SNX14: variants seen among roughly 807,000 people sequenced by gnomAD.
The protein encoded by SNX14 is sorting nexin 14.
A neutral mutation model predicts 133.8 loss-of-function variants in SNX14; 93 were observed. The observed-to-expected ratio is 0.70, with a 90% confidence interval of 0.59 to 0.83. SNX14 has a LOEUF of 0.83. SNX14 is among the 40% of genes least tolerant of loss of function. The pLI is 0.00. For synonymous variants in SNX14, 368 were observed against 365.6 expected, an observed-to-expected ratio of 1.01 and a Z score of -0.07; for missense variants, 945 against 1,094.9, an observed-to-expected ratio of 0.86 and a Z score of 1.93.
intron 4 of SNX14, chr6:85,568,077 T>G (rs1794468945): frequency 6.6e-6 from 1 of 152,116 alleles, no homozygotes; most frequent in South Asian, 2.1e-4. Context: ...AAAGAAAACA[T>G]ATGAGAAAAC....
chr6:85,517,738 T>C lies in SNX14; in HGVS notation c.2268+18A>G. The C allele has an allele frequency of 6.4e-7, 1 of 1,568,094 alleles. No individual in the cohort carries two copies. ...GGCAACTTAAAACTTAATAGTTCTT[T>C]AATGCAATGTGCAGTACCTTCTTGT... On this transcript the variant is annotated intron_variant, in intron 23 of 28. Coordinates refer to ENST00000314673, the MANE Select transcript of SNX14 (RefSeq NM_153816.6).
Position 85,526,957 on chromosome 6 carries a change from T to G in SNX14, c.1996-720A>C, listed in dbSNP as rs920819973. ...GGCAGTGGGTGCCTGTAATCCCAGCTACTTGGGAGGCCGAGGCTGGAGAAT... is the reference window on the plus strand; with the variant it reads ...GGCAGTGGGTGCCTGTAATCCCAGCGACTTGGGAGGCCGAGGCTGGAGAAT... On this transcript the variant is annotated intron_variant, in intron 20 of 28. Coordinates refer to ENST00000314673, the MANE Select transcript of SNX14 (RefSeq NM_153816.6). Among the ~76,000 whole-genome samples the G allele has an allele frequency of 9.9e-5, 15 of 152,150 alleles. No individual in the cohort carries two copies. The East Asian group carries it at 2.7e-3, about 27-fold the overall frequency.
chr6:85,556,985 TC>T (rs1301893119), intron 7 of SNX14, among the ~76,000 whole-genome samples: 2 of 152,174 alleles, frequency 1.3e-5, no homozygotes, highest in Non-Finnish European at 2.9e-5. Context: ...AAAAAATGGT[TC>T]CATGCTCAAA....
chr6:85,582,805 A>G (rs1242805210), intron 1 of SNX14, among the ~76,000 whole-genome samples: 1 of 152,222 alleles, frequency 6.6e-6, no homozygotes, highest in Non-Finnish European at 1.5e-5. Context: ...AAAAAAGCCC[A>G]GGACCAGAAG....
chr6:85,560,130 C>CT (rs908185286), intron 6 of SNX14, among the ~76,000 whole-genome samples: 2 of 152,078 alleles, frequency 1.3e-5, no homozygotes, highest in Admixed American at 1.3e-4. Flanking sequence ...AATTGTACTC[C>CT]TATGTATATA....
Position 85,528,322 on chromosome 6 carries a change from A to C in SNX14, c.1935T>G (p.Ile645Met). Reference sequence around the variant, plus strand: ...TTAAGAATTCATAATTTTTGGGGCCAATGATCCTCTTAGAAGGAAGCTGGG... The same window carrying C: ...TTAAGAATTCATAATTTTTGGGGCCCATGATCCTCTTAGAAGGAAGCTGGG... ...PDAQLPSKRI[I>M]GPKNYEFLKS... is the part of the protein sequence containing the mutation. The change falls in exon 20 of 29, where the codon ATT (isoleucine) becomes ATG (methionine). Residue 645 changes from isoleucine to methionine, a missense_variant. Around this residue, in one of 3 missense-constraint regions of SNX14, gnomAD observed 412 missense variants for 516.6 expected, o/e 0.80. Transcript: ENST00000314673. 1 of 1,613,428 alleles carries C rather than the reference A, an allele frequency of 6.2e-7. No individual in the cohort carries two copies.
At chr6:85,582,495 AT>A (rs374052377) in intron 1 of SNX14, among the ~76,000 whole-genome samples, 282 of 148,682 alleles carry the variant, frequency 1.9e-3, no homozygotes, top group Middle Eastern at 0.011. Flanking sequence ...CCAGGAGCCG[AT>A]TTTTTTTTTT....
rs1782112172 is a variant in SNX14, at chr6:85,536,820, T to C, written c.1580A>G (p.Tyr527Cys). Residue 527 changes from tyrosine to cysteine, a missense_variant, in exon 17 of 29, where the codon TAT (tyrosine) becomes TGT (cysteine). Physicochemically the swap from Tyr to Cys is radical, Grantham distance 194. Coordinates refer to ENST00000314673, the MANE Select transcript of SNX14 (RefSeq NM_153816.6). Reference protein sequence around the residue: ...TTMEGAMLPNYGVAEGEDDFI... With the variant: ...TTMEGAMLPNCGVAEGEDDFI... ...ATCATCTTCACCTTCAGCTACACCA[T>C]AATTAGGCAACATAGCTCCCTCCAT... is the stretch of plus-strand genomic sequence containing the variant. 1 of 1,613,048 alleles carries C rather than the reference T, an allele frequency of 6.2e-7. No homozygotes were observed. The highest frequency in any genetic ancestry group is 2.2e-5 in the East Asian group (1 of 44,736).
Position 85,582,456 on chromosome 6 carries a change from CA to C in SNX14, c.141-8079del, listed in dbSNP as rs543353965. 4.4e-3 allele frequency among the ~76,000 whole-genome samples: 641 copies of C among 146,888 alleles called. 2 individuals carry two copies. Among genetic ancestry groups the C allele is most frequent in the Admixed American group, 8.9e-3 (132 of 14,796 alleles). ...GAACTGAAGGAGATAGAGACACACA[CA>C]AAAAAAACCTTCAAAAAAGCAATGG... On this transcript the variant is annotated intron_variant, in intron 1 of 28. Transcript: ENST00000314673.
chr6:85,539,250 C>T (rs1248335996), intron 15 of SNX14, among the ~76,000 whole-genome samples: 1 of 151,976 alleles, frequency 6.6e-6, no homozygotes, highest in Non-Finnish European at 1.5e-5. Flanking sequence ...TTAGGCATAC[C>T]ATTTCTTTCA....
intron 14 of SNX14, among the ~76,000 whole-genome samples, 163 bp from the exon 15 acceptor site, chr6:85,542,206 T>C (rs2128064938): frequency 6.6e-6 from 1 of 151,904 alleles, no homozygotes; most frequent in East Asian, 1.9e-4. Flanking sequence ...ATATTGCAAA[T>C]GCAGATGATT....
intron 18 of SNX14, among the ~76,000 whole-genome samples, chr6:85,532,406 C>T (rs918577318): frequency 6.6e-6 from 1 of 152,172 alleles, no homozygotes; most frequent in South Asian, 2.1e-4. Flanking sequence ...CTACTCTGGG[C>T]ATTCTTCCCT....
intron 6 of SNX14, among the ~76,000 whole-genome samples, chr6:85,558,525 G>A (rs1790480519): frequency 6.6e-6 from 1 of 152,164 alleles, no homozygotes; most frequent in South Asian, 2.1e-4. Flanking sequence ...GGAGAGCAGT[G>A]GCACCATCTC....
At chr6:85,577,649 C>G (rs1481064013) in intron 1 of SNX14, among the ~76,000 whole-genome samples, 1 of 151,954 alleles carries the variant, frequency 6.6e-6, no homozygotes, top group Non-Finnish European at 1.5e-5. Context: ...CAGGGAGAAT[C>G]TACAGAGTTA....
chr6:85,570,946 C>T, intron 4 of SNX14, among the ~76,000 whole-genome samples: 1 of 152,134 alleles, frequency 6.6e-6, no homozygotes, highest in East Asian at 1.9e-4. Flanking sequence ...ATTTTATACA[C>T]AGAACACATG....
chr6:85,548,282 A>G lies in SNX14; in HGVS notation c.867+19T>C. 1 of 1,573,054 alleles carries G rather than the reference A, an allele frequency of 6.4e-7. No individual in the cohort carries two copies. ...TAAGTGTAATTTGTAACAATTTAAAAAAAAATCTTAAGTCTTACTGGATCA... is the reference window on the plus strand; with the variant it reads ...TAAGTGTAATTTGTAACAATTTAAAGAAAAATCTTAAGTCTTACTGGATCA... On this transcript the variant is annotated intron_variant, in intron 9 of 28. Transcript: ENST00000314673.
At chr6:85,538,185 C>CT (rs2128040692) in intron 16 of SNX14, among the ~76,000 whole-genome samples, 1 of 152,126 alleles carries the variant, frequency 6.6e-6, no homozygotes, top group African/African-American at 2.4e-5. Context: ...AATCAAACTT[C>CT]TGGAAAAACA....
intron 4 of SNX14, among the ~76,000 whole-genome samples, chr6:85,569,691 A>T (rs1421955235): frequency 6.6e-6 from 1 of 152,232 alleles, no homozygotes; most frequent in African/African-American, 2.4e-5. Context: ...TCTGTAATCA[A>T]CCAAATATGA....
chr6:85,545,417 T>C (rs1785148745), intron 12 of SNX14, among the ~76,000 whole-genome samples: 1 of 151,938 alleles, frequency 6.6e-6, no homozygotes, highest in South Asian at 2.1e-4. Flanking sequence ...TTACTAGAAA[T>C]ACATTAAACA....
Sources: gnomAD v4.1 joint callset for allele counts (sites outside exome capture counted in the v4.1 genomes callset) on GRCh38, gnomAD v4.1.1 for gene constraint, gnomAD v4.1.1 regional missense constraint, MANE v1.5 for transcripts, NCBI Gene and HGNC (gene_info 2026-07-23, HGNC 2026-07-21) for gene names.